Variants in DPP10 observed in about 807,000 individuals in gnomAD.
DPP10 encodes inactive dipeptidyl peptidase 10.
In DPP10, 33 loss-of-function variants were observed where a neutral mutation model predicts 120.9. The observed-to-expected ratio is 0.27, with a 90% CI of 0.21 to 0.37. The LOEUF is 0.37. Among genes scored for constraint, DPP10 ranks in the 10% least tolerant of loss-of-function variants. DPP10 has a pLI of 1.00. For missense variants in DPP10, 816 were observed against 942.8 expected (o/e 0.87, Z 1.76); for synonymous variants, 337 against 326.1 (o/e 1.03, Z -0.36).
intron 3 of DPP10, among the ~76,000 whole-genome samples, chr2:115,448,460 C>G (rs1467902694): frequency 6.6e-6 from 1 of 152,050 alleles, no homozygotes; most frequent in Non-Finnish European, 1.5e-5. Context: ...GCCAAGTGAG[C>G]CCCCTCCTCC....
chr2:115,419,446 C>T (rs1252775414), intron 3 of DPP10, among the ~76,000 whole-genome samples: 1 of 151,978 alleles, frequency 6.6e-6, no homozygotes. Flanking sequence ...GAGGGAGGTC[C>T]AAGATTATTT....
chr2:114,500,411 C>T lies in DPP10; in HGVS notation c.60+57573C>T, dbSNP rs572739430. On this transcript the variant is annotated intron_variant, in intron 1 of 25. Coordinates refer to ENST00000410059, the MANE Select transcript of DPP10 (RefSeq NM_020868.6). ...AAATATCTATGTCTCTGACAATTTT[C>T]ACAACTTTACTTAATTATATTAGGG... 2.8e-4 allele frequency among the ~76,000 whole-genome samples: 42 copies of T among 152,310 alleles called. 1 individual carries two copies. The South Asian group carries it at 3.5e-3, about 13-fold the overall frequency.
At chr2:115,707,317 C>T (rs1436980174) in intron 7 of DPP10, among the ~76,000 whole-genome samples, 1 of 151,564 alleles carries the variant, frequency 6.6e-6, no homozygotes, top group African/African-American at 2.4e-5. Flanking sequence ...TTTAAGTGCA[C>T]ACACTGGGCC....
At chr2:115,405,849 C>T (rs1023881317) in intron 3 of DPP10, among the ~76,000 whole-genome samples, 1 of 152,138 alleles carries the variant, frequency 6.6e-6, no homozygotes, top group Non-Finnish European at 1.5e-5. Flanking sequence ...AGGCCTATCC[C>T]CCACAACATT....
At position 115,003,051 on chromosome 2, in the gene DPP10, A is replaced by G. The variant is rs568082528; in HGVS notation, c.61-306188A>G. Among the ~76,000 whole-genome samples the G allele has an allele frequency of 1.6e-4, 25 of 152,042 alleles. No homozygotes were observed. In the South Asian group the frequency reaches 4.8e-3, roughly 29 times the overall value. ...ACTACATATTGTTTTATCATAAAGG[A>G]ACATACATCTGTATGTTCATTGCAG... is the stretch of plus-strand genomic sequence containing the variant. On this transcript the variant is annotated intron_variant, in intron 1 of 25. Transcript: ENST00000410059.
chr2:115,019,657 C>T (rs1702925831), intron 1 of DPP10, among the ~76,000 whole-genome samples: 1 of 152,158 alleles, frequency 6.6e-6, no homozygotes, highest in Admixed American at 6.5e-5. Flanking sequence ...ATACAAGAAG[C>T]TCAAAGAACA....
chr2:115,827,375 C>G (rs1575914463), intron 21 of DPP10, among the ~76,000 whole-genome samples: 1 of 86,084 alleles, frequency 1.2e-5, no homozygotes, highest in African/African-American at 4.6e-5. Context: ...TGGGATATAT[C>G]AGAGGAGGGC....
At chr2:115,101,082 G>A (rs1026050967) in intron 1 of DPP10, among the ~76,000 whole-genome samples, 4 of 152,118 alleles carry the variant, frequency 2.6e-5, no homozygotes, top group Admixed American at 1.3e-4. Flanking sequence ...AGTCATATTT[G>A]TCCTCATCAC....
intron 3 of DPP10, among the ~76,000 whole-genome samples, chr2:115,373,444 T>C (rs2065558755): frequency 6.6e-6 from 1 of 152,096 alleles, no homozygotes; most frequent in African/African-American, 2.4e-5. Flanking sequence ...ATTAAGATTA[T>C]ATTGAAGCTT....
At chr2:115,125,568 CTT>C (rs57686926) in intron 1 of DPP10, among the ~76,000 whole-genome samples, 11 of 112,156 alleles carry the variant, frequency 9.8e-5, no homozygotes, top group Admixed American at 3.1e-4. Context: ...ATCATAATGG[CTT>C]TTTTTTTTTT....
intron 1 of DPP10, among the ~76,000 whole-genome samples, chr2:114,807,930 G>C (rs1455499339): frequency 6.6e-6 from 1 of 152,186 alleles, no homozygotes; most frequent in African/African-American, 2.4e-5. Flanking sequence ...GGGCTAAGGT[G>C]ACGAAGCAAA....
intron 1 of DPP10, among the ~76,000 whole-genome samples, chr2:115,106,146 G>A (rs1227192186): frequency 2.0e-5 from 3 of 152,156 alleles, no homozygotes; most frequent in Non-Finnish European, 4.4e-5. Context: ...TATCATCCTT[G>A]CTGCTTTGCT....
At chr2:115,718,213 G>T (rs13411560) in intron 7 of DPP10, among the ~76,000 whole-genome samples, 7,199 of 151,084 alleles carry the variant, frequency 0.048, 579 homozygotes, top group African/African-American at 0.17. Context: ...AAACATCTAT[G>T]TACAGGTACA....
intron 1 of DPP10, among the ~76,000 whole-genome samples, chr2:115,194,611 T>C (rs2055128594): frequency 6.6e-6 from 1 of 152,182 alleles, no homozygotes; most frequent in South Asian, 2.1e-4. Context: ...TTTCTGGTAA[T>C]GGCCAAACGA....
intron 1 of DPP10, among the ~76,000 whole-genome samples, chr2:115,017,415 T>C (rs1323611664): frequency 6.6e-6 from 1 of 151,980 alleles, no homozygotes; most frequent in Non-Finnish European, 1.5e-5. Flanking sequence ...GGACTGTAAA[T>C]TGGTTCAACC....
chr2:115,745,616 A>T (rs1232799016), intron 9 of DPP10, among the ~76,000 whole-genome samples: 1 of 150,652 alleles, frequency 6.6e-6, no homozygotes, highest in African/African-American at 2.4e-5. Flanking sequence ...AATTTTAAGC[A>T]CAGGGCACCT....
chr2:114,872,980 G>T (rs4315531), intron 1 of DPP10, among the ~76,000 whole-genome samples: 150,393 of 152,306 alleles, frequency 0.99, 74,283 homozygotes, highest in East Asian at 1. Context: ...TCTTTAAAAC[G>T]GCTTCGCCAC....
intron 5 of DPP10, among the ~76,000 whole-genome samples, chr2:115,673,774 T>A (rs1024575107): frequency 1.3e-5 from 2 of 152,190 alleles, no homozygotes; most frequent in African/African-American, 4.8e-5. Flanking sequence ...TTGTAAAACA[T>A]CTGTTGAGAG....
chr2:115,106,213 A>C (rs1243255079), intron 1 of DPP10, among the ~76,000 whole-genome samples: 1 of 152,222 alleles, frequency 6.6e-6, no homozygotes, highest in African/African-American at 2.4e-5. Flanking sequence ...TGATTGTGTG[A>C]ATGCTCAGAA....
Sources: gnomAD v4.1 joint callset for allele counts (sites outside exome capture counted in the v4.1 genomes callset) on GRCh38, gnomAD v4.1.1 for gene constraint, MANE v1.5 for transcripts, NCBI Gene and HGNC (gene_info 2026-07-23, HGNC 2026-07-21) for gene names.